The following ARHGAP15 variants were observed in gnomAD, a reference collection of about 807,000 sequenced individuals.
ARHGAP15 encodes the protein rho GTPase-activating protein 15.
A neutral mutation model predicts 63.7 loss-of-function variants in ARHGAP15; 51 were observed. That is an observed-to-expected ratio of 0.80 (90% CI 0.64 to 1.01). ARHGAP15 has a LOEUF of 1.01. Ranked by LOEUF, ARHGAP15 falls within the 50% of genes least tolerant of loss-of-function variation. The pLI is 0.00. For missense variants in ARHGAP15, 560 were observed against 564.6 expected (o/e 0.99, Z 0.08); for synonymous variants, 191 against 193.8 (o/e 0.99, Z 0.12).
At position 143,434,581 on chromosome 2, in the gene ARHGAP15, G is replaced by A. The variant is rs187889713; in HGVS notation, c.475-1020G>A. On this transcript the variant is annotated intron_variant, in intron 6 of 13. Transcript: ENST00000295095. The stretch of plus-strand genomic sequence containing the variant: ...TTTCAGCGTTCACCTCCTGTTTAGA[G>A]CAAGGAAGGCTGAGAAGAGGTGACT... Among the ~76,000 whole-genome samples the A allele has an allele frequency of 2.0e-3, 308 of 152,182 alleles. 2 individuals carry two copies. The highest frequency in any genetic ancestry group is 7.3e-3 in the African/African-American group (302 of 41,540).
chr2:143,519,355 G>C lies in ARHGAP15; in HGVS notation c.916G>C (p.Glu306Gln), dbSNP rs745323425. The C allele has an allele frequency of 4.3e-6, 7 of 1,612,126 alleles. No individual in the cohort carries two copies. In the East Asian group the frequency reaches 1.6e-4, roughly 36 times the overall value. Residue 306 changes from glutamate to glutamine, a missense_variant, in exon 10 of 14, where the codon GAG becomes CAG. Glu to Gln is a conservative substitution (Grantham distance 29). Transcript: ENST00000295095. Reference sequence around the variant, plus strand: ...TGTAAAGCAATGCATTGAAGCTGTTGAGAAAAGAGGTGGGTGACTGAATGT... The same window carrying C: ...TGTAAAGCAATGCATTGAAGCTGTTCAGAAAAGAGGTGGGTGACTGAATGT... ...WFVKQCIEAV[E>Q]KRGLDVDGIY...
At chr2:143,216,298 C>A in intron 3 of ARHGAP15, 86 bp from the exon 4 acceptor site, 1 of 1,032,298 alleles carries the variant, frequency 9.7e-7, no homozygotes. Context: ...TCCGTCACTG[C>A]AATGACTCTT....
intron 13 of ARHGAP15, among the ~76,000 whole-genome samples, chr2:143,746,146 G>C (rs868826426): frequency 6.6e-6 from 1 of 152,062 alleles, no homozygotes; most frequent in African/African-American, 2.4e-5. Context: ...GAAATTACCC[G>C]TAAGAAACCA....
At chr2:143,371,483 T>C (rs1051050967) in intron 6 of ARHGAP15, among the ~76,000 whole-genome samples, 1 of 152,144 alleles carries the variant, frequency 6.6e-6, no homozygotes, top group African/African-American at 2.4e-5. Context: ...TGCCTGCCTG[T>C]CTATCTATCC....
intron 11 of ARHGAP15, 35 bp from the exon 12 acceptor site, chr2:143,624,098 A>G (rs751121570): frequency 1.2e-6 from 2 of 1,608,704 alleles, no homozygotes; most frequent in African/African-American, 2.7e-5. Context: ...GTTTCATTAA[A>G]ACCAGTTGTT....
chr2:143,735,025 C>A (rs757045647), intron 13 of ARHGAP15, among the ~76,000 whole-genome samples: 1 of 152,128 alleles, frequency 6.6e-6, no homozygotes, highest in Non-Finnish European at 1.5e-5. Flanking sequence ...AATTAAAAAA[C>A]GAAATAGTAG....
chr2:143,683,883 AT>A, intron 12 of ARHGAP15, among the ~76,000 whole-genome samples: 1 of 152,320 alleles, frequency 6.6e-6, no homozygotes, highest in Non-Finnish European at 1.5e-5. Context: ...CTGCAAGGGT[AT>A]TTGCATGTTG....
chr2:143,760,831 A>C lies in ARHGAP15; in HGVS notation c.1245-7158A>C, dbSNP rs181168853. 2.2e-3 allele frequency among the ~76,000 whole-genome samples: 341 copies of C among 152,276 alleles called. 3 individuals carry two copies. Among genetic ancestry groups the C allele is most frequent in the African/African-American group, 7.9e-3 (328 of 41,558 alleles). On this transcript the variant is annotated intron_variant, in intron 13 of 13. Transcript: ENST00000295095. The stretch of plus-strand genomic sequence containing the variant: ...CTATTTAGGATGATAGTTGTTTTGG[A>C]AAATAAGAATGACATGATGTTTAGA...
At chr2:143,351,588 G>A (rs1685573744) in intron 6 of ARHGAP15, among the ~76,000 whole-genome samples, 1 of 152,124 alleles carries the variant, frequency 6.6e-6, no homozygotes, top group African/African-American at 2.4e-5. Context: ...TCTTCTACAA[G>A]GAATGGCTTT....
chr2:143,252,865 A>G (rs929740718), intron 6 of ARHGAP15, among the ~76,000 whole-genome samples: 1 of 152,092 alleles, frequency 6.6e-6, no homozygotes, highest in Non-Finnish European at 1.5e-5. Flanking sequence ...ATATTTGATT[A>G]GATACATTAG....
At chr2:143,263,436 G>A (rs1209781458) in intron 6 of ARHGAP15, among the ~76,000 whole-genome samples, 1 of 152,152 alleles carries the variant, frequency 6.6e-6, no homozygotes, top group African/African-American at 2.4e-5. Flanking sequence ...GTCAGTATCT[G>A]CCTCTGCTGC....
intron 11 of ARHGAP15, chr2:143,571,759 A>G (rs72857928): frequency 0.17 from 25,214 of 152,034 alleles, 2,783 homozygotes; most frequent in Middle Eastern, 0.27. Flanking sequence ...TTGTTAGTCT[A>G]TTACTTTCAT....
Position 143,240,189 on chromosome 2 carries a change from CAAAAT to C in ARHGAP15, c.385-10303_385-10299del, listed in dbSNP as rs148821903. 4.0e-3 allele frequency among the ~76,000 whole-genome samples: 594 copies of C among 149,980 alleles called. 4 individuals carry two copies. The highest frequency in any genetic ancestry group is 0.013 in the African/African-American group (525 of 41,068). ...AGACTCTGTCTCTAAAAAAATAAAA[CAAAAT>C]AAAATAAAATAAAATAAATAATAAT... On this transcript the variant is annotated intron_variant, in intron 5 of 13. Coordinates refer to ENST00000295095, the MANE Select transcript of ARHGAP15 (RefSeq NM_018460.4).
At chr2:143,265,283 G>T (rs1056428197) in intron 6 of ARHGAP15, among the ~76,000 whole-genome samples, 2 of 151,428 alleles carry the variant, frequency 1.3e-5, no homozygotes, top group African/African-American at 4.8e-5. Flanking sequence ...ATCATTATTA[G>T]GCCAACAACT....
chr2:143,348,988 G>A (rs532952127), intron 6 of ARHGAP15, among the ~76,000 whole-genome samples: 11 of 152,142 alleles, frequency 7.2e-5, no homozygotes, highest in Admixed American at 1.3e-4. Context: ...GTAACTGTTC[G>A]ATAAGAGAAA....
chr2:143,395,803 G>T (rs933171398), intron 6 of ARHGAP15, among the ~76,000 whole-genome samples: 1 of 152,028 alleles, frequency 6.6e-6, no homozygotes, highest in African/African-American at 2.4e-5. Context: ...AAGGCATAAG[G>T]CCTGTGAGGT....
intron 13 of ARHGAP15, among the ~76,000 whole-genome samples, chr2:143,742,706 A>C (rs1257393588): frequency 6.6e-6 from 1 of 152,188 alleles, no homozygotes; most frequent in African/African-American, 2.4e-5. Context: ...TGCTAGCCTC[A>C]GTTTCCTTTA....
At chr2:143,613,383 G>C (rs1290403664) in intron 11 of ARHGAP15, among the ~76,000 whole-genome samples, 1 of 152,164 alleles carries the variant, frequency 6.6e-6, no homozygotes, top group Non-Finnish European at 1.5e-5. Context: ...GTTGATGATA[G>C]ATATGACCTG....
intron 12 of ARHGAP15, among the ~76,000 whole-genome samples, chr2:143,680,021 T>TAAAAAAAAAAAAAA (rs55927433): frequency 3.0e-5 from 3 of 101,626 alleles, no homozygotes; most frequent in African/African-American, 1.3e-4. Flanking sequence ...AGTAAATGAT[T>TAAAAAAAAAAAAAA]AAAAAAAAAA....
Sources: allele counts gnomAD v4.1 joint callset (sites outside exome capture counted in the v4.1 genomes callset), GRCh38; gene constraint gnomAD v4.1.1; transcripts MANE v1.5; gene names NCBI Gene and HGNC (gene_info 2026-07-23, HGNC 2026-07-21).